RTTN: variants seen among roughly 807,000 people sequenced by gnomAD.
The protein encoded by RTTN is rotatin.
Under a neutral mutation model 269.2 loss-of-function variants are expected in RTTN, and 182 were observed. The ratio of observed to expected loss-of-function variants is 0.68; its 90% CI spans 0.60 to 0.76. The LOEUF (loss-of-function observed/expected upper bound fraction) is 0.76. RTTN is among the 30% of genes least tolerant of loss of function. The pLI, the probability that RTTN is intolerant of heterozygous loss-of-function variation, is 0.00. For synonymous variants in RTTN, 1,006 were observed against 963.5 expected (o/e 1.04, Z -0.82); for missense variants, 2,545 against 2,608.6 (o/e 0.98, Z 0.53).
chr18:70,114,038 A>G (rs1354142334), intron 27 of RTTN, among the ~76,000 whole-genome samples: 1 of 152,208 alleles, frequency 6.6e-6, no homozygotes, highest in Non-Finnish European at 1.5e-5. Context: ...TAAAATAGTG[A>G]CTTTCATCTT....
At chr18:70,040,425 T>C (rs1332251799) in intron 40 of RTTN, among the ~76,000 whole-genome samples, 7 of 152,092 alleles carry the variant, frequency 4.6e-5, no homozygotes, top group Non-Finnish European at 5.9e-5. Flanking sequence ...GAGGATACAA[T>C]GATTGTGAGT....
At chr18:70,101,177 T>C (rs940642562) in intron 28 of RTTN, among the ~76,000 whole-genome samples, 1 of 152,222 alleles carries the variant, frequency 6.6e-6, no homozygotes, top group Non-Finnish European at 1.5e-5. Context: ...GTACCTCTGG[T>C]AGAATTCAGC....
At chr18:70,066,227 G>C (rs564981709) in intron 34 of RTTN, among the ~76,000 whole-genome samples, 2 of 152,134 alleles carry the variant, frequency 1.3e-5, no homozygotes, top group East Asian at 3.9e-4. Context: ...ATGTTAGAAA[G>C]GCTAAAATAT....
At position 70,065,847 on chromosome 18, in the gene RTTN, C is replaced by A; in HGVS notation, c.4729G>T (p.Asp1577Tyr). The change falls in exon 35 of 49, where the codon GAC becomes TAC. Residue 1577 changes from aspartate (D) to tyrosine (Y), a missense_variant. Asp to Tyr is a radical substitution (Grantham distance 160, BLOSUM62 -3). Coordinates refer to ENST00000640769, the MANE Select transcript of RTTN (RefSeq NM_173630.4). ...STTLLPEASHDQFVAQGHQES... is the reference protein window; with the variant it reads ...STTLLPEASHYQFVAQGHQES... ...AGGATACCTTGAGCCACAAACTGGT[C>A]ATGGGAGGCTTCAGGTAGAAGTGTT... 1 of 1,600,370 alleles carries A rather than the reference C, an allele frequency of 6.2e-7. No homozygotes were observed. Among genetic ancestry groups the A allele is most frequent in the South Asian group, 1.1e-5 (1 of 88,586 alleles).
chr18:70,196,378 G>A, intron 7 of RTTN, 123 bp downstream of exon 7: 1 of 724,630 alleles, frequency 1.4e-6, no homozygotes, highest in South Asian at 2.4e-5. Flanking sequence ...AATACATTTA[G>A]GAGTGGGGAG....
At position 70,149,021 on chromosome 18, in the gene RTTN, T is replaced by C; in HGVS notation, c.2189A>G (p.Glu730Gly). The C allele has an allele frequency of 6.2e-7, 1 of 1,613,364 alleles. No individual in the cohort carries two copies. Among genetic ancestry groups the C allele is most frequent in the Non-Finnish European group, 8.5e-7 (1 of 1,179,472 alleles). ...IPILQGYADT[E>G]DPLGNCILLL... ...GAGAATGCAGTTACCCAGAGGATCT[T>C]CTGTGTCGGCATAGCCCTAATAGAT... The change falls in exon 17 of 49, where the codon GAA becomes GGA. Residue 730 changes from glutamate to glycine, a missense_variant. Transcript: ENST00000640769.
At chr18:70,115,870 G>C (rs1178271275) in intron 26 of RTTN, among the ~76,000 whole-genome samples, 1 of 151,822 alleles carries the variant, frequency 6.6e-6, no homozygotes, top group Non-Finnish European at 1.5e-5. Flanking sequence ...CCTCTAAATT[G>C]CTTATAGTAT....
intron 38 of RTTN, among the ~76,000 whole-genome samples, chr18:70,051,929 T>TTCC (rs1160135667): frequency 6.6e-6 from 1 of 152,148 alleles, no homozygotes; most frequent in Non-Finnish European, 1.5e-5. Flanking sequence ...TTCCCCTATT[T>TTCC]CCTTTATCCC....
intron 16 of RTTN, 54 bp from the exon 17 acceptor site, chr18:70,149,091 T>C (rs1351351220): frequency 6.6e-7 from 1 of 1,509,288 alleles, no homozygotes; most frequent in East Asian, 2.3e-5. Flanking sequence ...ACATAACTTT[T>C]CAACTTGAAA....
At chr18:70,194,009 T>C (rs991503062) in intron 7 of RTTN, 2 of 151,988 alleles carry the variant, frequency 1.3e-5, no homozygotes, top group African/African-American at 4.8e-5. Context: ...ACTTATAGAG[T>C]GGGAGGAAAT....
rs78543292 is a variant in RTTN at position 70,055,583 on chromosome 18, C to T, written c.5032-1299G>A. Among the ~76,000 whole-genome samples the T allele has an allele frequency of 9.6e-3, 1,458 of 152,080 alleles. 22 individuals carry two copies. Among genetic ancestry groups the T allele is most frequent in the African/African-American group, 0.033 (1,385 of 41,460 alleles). On this transcript the variant is annotated intron_variant, in intron 37 of 48. Transcript: ENST00000640769. ...TTGTGAAATTTAATTTGTTTACTGC[C>T]GTGAAGTCTTGAGACTTCATATTAC...
intron 28 of RTTN, among the ~76,000 whole-genome samples, chr18:70,103,835 TAG>T (rs1017947863): frequency 2.9e-4 from 44 of 151,952 alleles, no homozygotes; most frequent in African/African-American, 1.0e-3. Flanking sequence ...TTCTGGCTTA[TAG>T]AGTTTCTGCC....
chr18:70,112,483 C>CAAAAA lies in RTTN; in HGVS notation c.3683+1957_3683+1961dup, dbSNP rs36147576. Among the ~76,000 whole-genome samples the CAAAAA allele has an allele frequency of 6.5e-3, 439 of 67,996 alleles. 33 individuals are homozygous for CAAAAA. Among genetic ancestry groups the CAAAAA allele is most frequent in the East Asian group, 0.025 (40 of 1,572 alleles). 44.6% of individuals were successfully genotyped at this position (67,996 alleles called of 152,430 possible). On this transcript the variant is annotated intron_variant, in intron 27 of 48. Coordinates refer to ENST00000640769, the MANE Select transcript of RTTN (RefSeq NM_173630.4). ...GATGATTTATCAAGCAAATGGAAAG[C>CAAAAA]AAAAAAAAAAAAAAAAAAGCAAGAG...
At chr18:70,048,639 T>C (rs1258517104) in intron 39 of RTTN, among the ~76,000 whole-genome samples, 3 of 152,196 alleles carry the variant, frequency 2.0e-5, no homozygotes, top group African/African-American at 2.4e-5. Flanking sequence ...TGTGTGATAA[T>C]TATAACCATA....
Position 70,048,208 on chromosome 18 carries a change from T to A in RTTN, c.5324-20A>T. 6.3e-7 allele frequency: 1 copy of A among 1,585,764 alleles called. No homozygotes were observed. The highest frequency in any genetic ancestry group is 8.6e-7 in the Non-Finnish European group (1 of 1,157,890). ...ACATATCTAAAGGAATAATTTCAGA[T>A]GTGAATGTTTGAAAATTTCTTCAAA... is the stretch of plus-strand genomic sequence containing the variant. On this transcript the variant is annotated intron_variant, in intron 39 of 48. Transcript: ENST00000640769.
chr18:70,009,238 C>G (rs972271825), intron 46 of RTTN, among the ~76,000 whole-genome samples: 1 of 152,026 alleles, frequency 6.6e-6, no homozygotes, highest in African/African-American at 2.4e-5. Flanking sequence ...CAGGTTTAAG[C>G]AATTCTTCTG....
intron 27 of RTTN, among the ~76,000 whole-genome samples, chr18:70,113,044 G>A (rs1477551529): frequency 6.6e-6 from 1 of 152,056 alleles, no homozygotes; most frequent in Non-Finnish European, 1.5e-5. Flanking sequence ...TATGGAAACC[G>A]AACAACCTGC....
chr18:70,048,219 G>T (rs746762982), intron 39 of RTTN, 31 bp from the exon 40 acceptor site: 3 of 1,571,618 alleles, frequency 1.9e-6, no homozygotes, highest in East Asian at 4.5e-5. Flanking sequence ...GTGAATGTTT[G>T]AAAATTTCTT....
chr18:70,019,342 G>C (rs1034294935), intron 45 of RTTN: 2 of 152,138 alleles, frequency 1.3e-5, no homozygotes, highest in Non-Finnish European at 2.9e-5. Context: ...CTATAAGGAA[G>C]TGGTGGAAAG....
Sources: allele counts gnomAD v4.1 joint callset (sites outside exome capture counted in the v4.1 genomes callset), GRCh38; gene constraint gnomAD v4.1.1; transcripts MANE v1.5; gene names NCBI Gene and HGNC (gene_info 2026-07-23, HGNC 2026-07-21).